CHST11: variants seen among roughly 807,000 people sequenced by gnomAD.
CHST11 encodes C4S-1.
Under a neutral mutation model 30.4 loss-of-function variants are expected in CHST11, and 9 were observed. The observed-to-expected ratio is 0.30, with a 90% CI of 0.18 to 0.52. The LOEUF (loss-of-function observed/expected upper bound fraction) is 0.52. Ranked by LOEUF, CHST11 falls within the 20% of genes least tolerant of loss-of-function variation. The pLI, the probability that CHST11 is intolerant of heterozygous loss-of-function variation, is 0.97. For synonymous variants in CHST11, 152 were observed against 187.8 expected (o/e 0.81, Z 1.56); for missense variants, 348 against 460.6 (o/e 0.76, Z 2.24).
At position 104,571,616 on chromosome 12, in the gene CHST11, G is replaced by A. The variant is rs1592769019; in HGVS notation, c.119-30290G>A. ...GAGGATCACCACACAAGAGGAAGTG[G>A]CAGCTCAGGTCTGATGATGAAGTTT... On this transcript the variant is annotated intron_variant, in intron 1 of 2. Transcript: ENST00000303694. Among the ~76,000 whole-genome samples the A allele has an allele frequency of 2.6e-5, 4 of 152,282 alleles. No individual in the cohort carries two copies. In the South Asian group the frequency reaches 6.2e-4, roughly 24 times the overall value.
intron 2 of CHST11, among the ~76,000 whole-genome samples, chr12:104,645,307 G>A (rs982935861): frequency 6.6e-6 from 1 of 152,136 alleles, no homozygotes; most frequent in Non-Finnish European, 1.5e-5. Context: ...TCTGAGCCAG[G>A]TACTTGGCAA....
chr12:104,486,102 G>C (rs1309742488), intron 1 of CHST11, among the ~76,000 whole-genome samples: 1 of 152,128 alleles, frequency 6.6e-6, no homozygotes, highest in African/African-American at 2.4e-5. Context: ...CCTGGGCTTT[G>C]GGGCTCCCTG....
intron 2 of CHST11, among the ~76,000 whole-genome samples, chr12:104,738,009 T>G (rs531791707): frequency 2.6e-5 from 4 of 152,286 alleles, no homozygotes; most frequent in Non-Finnish European, 5.9e-5. Flanking sequence ...CCTACTTGCT[T>G]TTTTGAACCT....
At chr12:104,678,394 G>A (rs1366884650) in intron 2 of CHST11, among the ~76,000 whole-genome samples, 2 of 152,200 alleles carry the variant, frequency 1.3e-5, no homozygotes, top group Non-Finnish European at 2.9e-5. Context: ...CCCAGAGTGA[G>A]ACATTGCCTA....
chr12:104,609,358 C>T (rs1193503831), intron 2 of CHST11, among the ~76,000 whole-genome samples: 1 of 152,202 alleles, frequency 6.6e-6, no homozygotes, highest in Non-Finnish European at 1.5e-5. Context: ...ATCTTACACA[C>T]AGTACTTGGG....
intron 1 of CHST11, among the ~76,000 whole-genome samples, chr12:104,568,885 T>G (rs749331788): frequency 1.3e-5 from 2 of 152,192 alleles, no homozygotes; most frequent in Non-Finnish European, 2.9e-5. Flanking sequence ...CCATTGGAGA[T>G]CTTTAAAAAT....
At chr12:104,701,623 G>A (rs2039991132) in intron 2 of CHST11, among the ~76,000 whole-genome samples, 1 of 152,202 alleles carries the variant, frequency 6.6e-6, no homozygotes, top group African/African-American at 2.4e-5. Flanking sequence ...AGACTAGCAG[G>A]ATCCCTCCAG....
At chr12:104,548,352 G>T (rs6539160) in intron 1 of CHST11, among the ~76,000 whole-genome samples, 74,226 of 152,006 alleles carry the variant, frequency 0.49, 18,445 homozygotes, top group Middle Eastern at 0.68. Flanking sequence ...CCAATTTCCA[G>T]GGTGTAAATA....
chr12:104,755,963 T>C (rs796283690), intron 2 of CHST11, among the ~76,000 whole-genome samples: 4 of 151,958 alleles, frequency 2.6e-5, no homozygotes, highest in African/African-American at 9.7e-5. Flanking sequence ...GCTGGAAAAG[T>C]AGGTTGGCAT....
chr12:104,718,838 G>A (rs187680246), intron 2 of CHST11, among the ~76,000 whole-genome samples: 35 of 152,240 alleles, frequency 2.3e-4, no homozygotes, highest in Admixed American at 1.8e-3. Context: ...GAGTGGAGTC[G>A]ACACAGTCCT....
chr12:104,571,259 G>A (rs2038623423), intron 1 of CHST11, among the ~76,000 whole-genome samples: 1 of 151,918 alleles, frequency 6.6e-6, no homozygotes, highest in South Asian at 2.1e-4. Context: ...TGCCTCCTGG[G>A]TTCAAGCGAT....
intron 2 of CHST11, among the ~76,000 whole-genome samples, chr12:104,610,804 A>G (rs907886193): frequency 9.2e-5 from 14 of 152,062 alleles, no homozygotes; most frequent in African/African-American, 3.4e-4. Flanking sequence ...GAGAGTTTCC[A>G]CCCCATCTTC....
chr12:104,734,708 T>C (rs564065148), intron 2 of CHST11, among the ~76,000 whole-genome samples: 163 of 152,288 alleles, frequency 1.1e-3, no homozygotes, highest in Non-Finnish European at 1.9e-3. Flanking sequence ...CAGCCTTTCC[T>C]GGTAGGCACT....
chr12:104,589,270 C>A (rs2038834689), intron 1 of CHST11, among the ~76,000 whole-genome samples: 1 of 151,770 alleles, frequency 6.6e-6, no homozygotes, highest in South Asian at 2.1e-4. Flanking sequence ...TGATGGTGGC[C>A]TGTGTCTGTA....
At chr12:104,592,006 T>G (rs1386750197) in intron 1 of CHST11, among the ~76,000 whole-genome samples, 2 of 74,386 alleles carry the variant, frequency 2.7e-5, no homozygotes, top group Non-Finnish European at 6.7e-5. Context: ...ACAGATCACC[T>G]TCTATCCTGC....
chr12:104,522,253 A>G (rs1349530330), intron 1 of CHST11, among the ~76,000 whole-genome samples: 1 of 152,234 alleles, frequency 6.6e-6, no homozygotes, highest in Non-Finnish European at 1.5e-5. Flanking sequence ...CCTTAGCTGC[A>G]TAAACTTGGG....
chr12:104,704,571 CT>C (rs1278950759), intron 2 of CHST11, among the ~76,000 whole-genome samples: 7 of 152,136 alleles, frequency 4.6e-5, no homozygotes, highest in Non-Finnish European at 1.0e-4. Context: ...CAGCTGGAGG[CT>C]TTAGCCAGAA....
chr12:104,690,489 T>G (rs561011409), intron 2 of CHST11, among the ~76,000 whole-genome samples: 26 of 152,372 alleles, frequency 1.7e-4, no homozygotes, highest in African/African-American at 6.3e-4. Context: ...ATCTGAGGTC[T>G]TCCTCTGGCC....
intron 2 of CHST11, among the ~76,000 whole-genome samples, chr12:104,694,487 T>C (rs1371462288): frequency 6.6e-6 from 1 of 152,188 alleles, no homozygotes; most frequent in Non-Finnish European, 1.5e-5. Context: ...ATGTGTTTTT[T>C]GGTTTTGTTT....
Sources: allele counts gnomAD v4.1 joint callset (sites outside exome capture counted in the v4.1 genomes callset), GRCh38; gene constraint gnomAD v4.1.1; transcripts MANE v1.5; gene names NCBI Gene and HGNC (gene_info 2026-07-23, HGNC 2026-07-21).